GABBR2: variants seen among roughly 807,000 people sequenced by gnomAD.
GABBR2 encodes the protein gamma-aminobutyric acid type B receptor subunit 2, also known as G-protein coupled receptor 51.
A neutral mutation model predicts 105.6 loss-of-function variants in GABBR2; 23 were observed. The ratio of observed to expected loss-of-function variants is 0.22; its 90% CI spans 0.16 to 0.31. The LOEUF (loss-of-function observed/expected upper bound fraction) is 0.31. Ranked by LOEUF, GABBR2 falls within the 10% of genes least tolerant of loss-of-function variation. The pLI, the probability that GABBR2 is intolerant of heterozygous loss-of-function variation, is 1.00. For synonymous variants in GABBR2, 478 were observed against 499.7 expected (o/e 0.96, Z 0.58); for missense variants, 734 against 1,245.5 (o/e 0.59, Z 6.18).
At chr9:98,516,661 CTG>C (rs1435726440) in intron 3 of GABBR2, among the ~76,000 whole-genome samples, 2 of 152,302 alleles carry the variant, frequency 1.3e-5, no homozygotes, top group African/African-American at 2.4e-5. Flanking sequence ...AGCCCCATTC[CTG>C]ACCCCGAGGG....
At chr9:98,394,590 T>C (rs1832253788) in intron 8 of GABBR2, among the ~76,000 whole-genome samples, 1 of 152,200 alleles carries the variant, frequency 6.6e-6, no homozygotes, top group South Asian at 2.1e-4. Context: ...TTCCCCCTGC[T>C]CAACTGGCTC....
intron 6 of GABBR2, among the ~76,000 whole-genome samples, chr9:98,457,266 T>C (rs1930420): frequency 0.58 from 88,701 of 152,074 alleles, 26,842 homozygotes; most frequent in South Asian, 0.71. Flanking sequence ...TACATTCAGA[T>C]GACATTTCTA....
At chr9:98,382,383 G>C (rs922502886) in intron 11 of GABBR2, among the ~76,000 whole-genome samples, 1 of 151,990 alleles carries the variant, frequency 6.6e-6, no homozygotes, top group African/African-American at 2.4e-5. Flanking sequence ...GCACGATCTC[G>C]GCTCACTGCA....
intron 1 of GABBR2, among the ~76,000 whole-genome samples, chr9:98,706,521 C>T (rs1390209080): frequency 6.6e-6 from 1 of 152,200 alleles, no homozygotes; most frequent in Non-Finnish European, 1.5e-5. Context: ...ATCCTCTTGA[C>T]TTTGGGTCCT....
rs192659532 is a variant in GABBR2 at position 98,608,204 on chromosome 9, C to T, written c.322-30132G>A. The T allele has an allele frequency of 4.2e-5, 38 of 913,458 alleles. No homozygotes were observed. In the Admixed American group the frequency reaches 4.6e-4, roughly 11 times the overall value. The allele number at this position is 913,458 out of a possible 1,614,324, so 56.6% of individuals were successfully genotyped here. On this transcript the variant is annotated intron_variant, in intron 1 of 18. Coordinates refer to ENST00000259455, the MANE Select transcript of GABBR2 (RefSeq NM_005458.8). ...CTTGGACATCAGTGTTTGTTGGATC[C>T]GTTTGACCAATTTGAGCCAGTTTTA...
intron 1 of GABBR2, among the ~76,000 whole-genome samples, chr9:98,599,231 G>A (rs1440872184): frequency 1.3e-5 from 2 of 152,158 alleles, no homozygotes; most frequent in Non-Finnish European, 2.9e-5. Flanking sequence ...TACTGGGCAA[G>A]GCTCTGAGTC....
At chr9:98,415,382 T>A (rs1832670672) in intron 7 of GABBR2, among the ~76,000 whole-genome samples, 1 of 152,206 alleles carries the variant, frequency 6.6e-6, no homozygotes, top group African/African-American at 2.4e-5. Flanking sequence ...ATTTTTTTAC[T>A]ATTTTACTAA....
intron 1 of GABBR2, among the ~76,000 whole-genome samples, chr9:98,629,051 G>T (rs1829783396): frequency 6.6e-6 from 1 of 152,138 alleles, no homozygotes; most frequent in Non-Finnish European, 1.5e-5. Context: ...AATCCTCAAA[G>T]CTTCAGATTC....
intron 1 of GABBR2, among the ~76,000 whole-genome samples, chr9:98,692,625 G>A (rs1055258493): frequency 2.0e-5 from 3 of 152,198 alleles, no homozygotes; most frequent in Admixed American, 6.5e-5. Flanking sequence ...TAGCATGCCT[G>A]GCCGCTGTGG....
At chr9:98,679,183 C>T (rs926641175) in intron 1 of GABBR2, among the ~76,000 whole-genome samples, 5 of 152,060 alleles carry the variant, frequency 3.3e-5, no homozygotes, top group Non-Finnish European at 5.9e-5. Flanking sequence ...CCAAAGATGA[C>T]GACAATTCAA....
chr9:98,406,560 G>T (rs1160299693), intron 7 of GABBR2, among the ~76,000 whole-genome samples: 2 of 152,246 alleles, frequency 1.3e-5, no homozygotes, highest in Admixed American at 6.5e-5. Flanking sequence ...GGGTATTGCT[G>T]AGTCTGCTTG....
chr9:98,707,234 G>C (rs1830907194), intron 1 of GABBR2: 1 of 152,236 alleles, frequency 6.6e-6, no homozygotes, highest in South Asian at 2.1e-4. Flanking sequence ...CTCCCAAAAG[G>C]GTTCTGCACC....
At chr9:98,353,251 A>C (rs868034471) in intron 13 of GABBR2, among the ~76,000 whole-genome samples, 37 of 152,196 alleles carry the variant, frequency 2.4e-4, no homozygotes, top group African/African-American at 8.9e-4. Context: ...TATCTTGTTA[A>C]AGTTTTATCA....
At chr9:98,651,355 G>C (rs1418166217) in intron 1 of GABBR2, among the ~76,000 whole-genome samples, 1 of 152,004 alleles carries the variant, frequency 6.6e-6, no homozygotes, top group Non-Finnish European at 1.5e-5. Context: ...TGTTGGCCAG[G>C]CTGGTCTTGA....
At chr9:98,502,496 G>A (rs1357934289) in intron 3 of GABBR2, among the ~76,000 whole-genome samples, 1 of 152,180 alleles carries the variant, frequency 6.6e-6, no homozygotes, top group Non-Finnish European at 1.5e-5. Flanking sequence ...TTCAGTGTGT[G>A]GGCCAGCCTG....
chr9:98,550,138 C>A (rs1828462768), intron 2 of GABBR2, among the ~76,000 whole-genome samples: 1 of 152,236 alleles, frequency 6.6e-6, no homozygotes, highest in Non-Finnish European at 1.5e-5. Flanking sequence ...CACCCATCAC[C>A]TTTTATCTAT....
intron 2 of GABBR2, among the ~76,000 whole-genome samples, chr9:98,570,042 G>A (rs767726321): frequency 2.6e-5 from 4 of 152,280 alleles, no homozygotes; most frequent in South Asian, 2.1e-4. Context: ...GCATGCTTTC[G>A]AGTTTTCAGA....
rs1828307855 is a variant in GABBR2, at chr9:98,541,744, T to C, written c.630+129A>G. ...TATTTTGTCAACGGTGAAACAGCTT[T>C]GATCGCACTAACCAACACATGCTTA... On this transcript the variant is annotated intron_variant, in intron 3 of 18. Coordinates refer to ENST00000259455, the MANE Select transcript of GABBR2 (RefSeq NM_005458.8). 5.3e-6 allele frequency: 4 copies of C among 760,116 alleles called. No homozygotes were observed. In the Admixed American group the frequency reaches 1.1e-4, roughly 21 times the overall value. 47.1% of individuals were successfully genotyped at this position (760,116 alleles called of 1,614,324 possible). A position where few individuals can be genotyped will look rare whatever the true frequency, so the allele number is the denominator to read the frequency against.
chr9:98,524,392 A>G (rs1239901517), intron 3 of GABBR2, among the ~76,000 whole-genome samples: 1 of 152,238 alleles, frequency 6.6e-6, no homozygotes, highest in African/African-American at 2.4e-5. Flanking sequence ...AAAAAAATAG[A>G]TGAATTGGTT....
Sources: allele counts gnomAD v4.1 joint callset (sites outside exome capture counted in the v4.1 genomes callset), GRCh38; gene constraint gnomAD v4.1.1; transcripts MANE v1.5; gene names NCBI Gene and HGNC (gene_info 2026-07-23, HGNC 2026-07-21).